DGKK: variants seen among roughly 807,000 people sequenced by gnomAD.
DGKK encodes the protein 142 kDa diacylglycerol kinase.
DGKK carries 35 observed loss-of-function variants against 92.2 expected under a neutral mutation model. The ratio of observed to expected loss-of-function variants is 0.38; its 90% CI spans 0.29 to 0.50. DGKK has a LOEUF of 0.50. DGKK is among the 20% of genes least tolerant of loss of function. DGKK has a pLI of 0.92. For missense variants in DGKK, 910 were observed against 992.2 expected (o/e 0.92, Z 1.11); for synonymous variants, 368 against 360.6 (o/e 1.02, Z -0.23).
At chrX:50,389,503 A>T (rs1431315507) in intron 12 of DGKK, among the ~76,000 whole-genome samples, 2 of 112,204 alleles carry the variant, frequency 1.8e-5, no homozygotes, top group Non-Finnish European at 3.8e-5. Context: ...ATGACTGGAT[A>T]TGTGATAAAG....
intron 4 of DGKK, among the ~76,000 whole-genome samples, chrX:50,410,353 T>C (rs1557227778): frequency 8.9e-6 from 1 of 111,953 alleles, no homozygotes; most frequent in African/African-American, 3.3e-5. Flanking sequence ...GCCAAGAACA[T>C]GTTACTGGAC....
At chrX:50,406,007 G>A (rs1251839511) in intron 4 of DGKK, among the ~76,000 whole-genome samples, 3 of 111,440 alleles carry the variant, frequency 2.7e-5, no homozygotes, top group African/African-American at 9.8e-5. Context: ...CATCTACCAT[G>A]GTAGGCACTG....
chrX:50,378,613 G>A lies in DGKK; in HGVS notation c.2941C>T (p.Arg981Cys). 5 of 1,209,332 alleles carry A rather than the reference G, an allele frequency of 4.1e-6. No homozygotes were observed. Among genetic ancestry groups the A allele is most frequent in the South Asian group, 1.8e-5 (1 of 56,274 alleles). ...IFGSVQMAMSRIINLHHHRIA... is the reference protein window; with the variant it reads ...IFGSVQMAMSCIINLHHHRIA... ...CGATGATGATGCAGGTTGATGATAC[G>A]GGACATTGCCATCTGCACAGAACCA... The change falls in exon 21 of 28, where the codon CGT becomes TGT. Residue 981 changes from arginine (R) to cysteine (C), a missense_variant. Coordinates refer to ENST00000611977, the MANE Select transcript of DGKK (RefSeq NM_001013742.4).
intron 4 of DGKK, among the ~76,000 whole-genome samples, chrX:50,404,686 CGTGAGCCACT>C (rs1433765966): frequency 9.0e-6 from 1 of 110,511 alleles, no homozygotes; most frequent in Non-Finnish European, 1.9e-5. Flanking sequence ...GGATTACAAG[CGTGAGCCACT>C]GTGCCCGGCC....
intron 8 of DGKK, among the ~76,000 whole-genome samples, chrX:50,396,154 T>C (rs1170892470): frequency 9.0e-6 from 1 of 111,696 alleles, no homozygotes; most frequent in East Asian, 2.8e-4. Context: ...AGGAAGCAAT[T>C]TGTTGATAAG....
intron 3 of DGKK, 38 bp downstream of exon 3, chrX:50,422,408 C>A (rs1557229230): frequency 1.8e-6 from 2 of 1,097,491 alleles, no homozygotes; most frequent in Non-Finnish European, 1.2e-6. Context: ...CAGCTAGCCC[C>A]TACCCCTGCC....
chrX:50,443,886 G>A (rs1247271484), intron 1 of DGKK, among the ~76,000 whole-genome samples: 1 of 110,225 alleles, frequency 9.1e-6, no homozygotes, highest in Non-Finnish European at 1.9e-5. Flanking sequence ...CTAATCCCTG[G>A]CAACCACAAA....
At chrX:50,390,963 T>G (rs1380964386) in intron 11 of DGKK, among the ~76,000 whole-genome samples, 2 of 112,020 alleles carry the variant, frequency 1.8e-5, no homozygotes, top group Non-Finnish European at 3.8e-5. Context: ...GAAAATCTGA[T>G]GAAATTATAG....
At chrX:50,386,708 AG>A in intron 14 of DGKK, 122 bp from the exon 15 acceptor site, 5 of 551,776 alleles carry the variant, frequency 9.1e-6, no homozygotes, top group Non-Finnish European at 1.4e-5. Flanking sequence ...ATAAATGCTG[AG>A]CATAGAAAAC....
chrX:50,470,401 G>A lies in DGKK; in HGVS notation c.278C>T (p.Pro93Leu), dbSNP rs1331745063. The change falls in exon 1 of 28, where the codon CCG becomes CTG. Residue 93 changes from proline to leucine, a missense_variant. By Grantham distance (98) the Pro-to-Leu change is moderately conservative. Coordinates refer to ENST00000611977, the MANE Select transcript of DGKK (RefSeq NM_001013742.4). ...PEPATEPASE[P>L]APEPATEPAP... ...CGGCTCTGTGGCAGGTTCTGGGGCCGGTTCTGAGGCCGGCTCTGTGGCTGG... is the reference window on the plus strand; with the variant it reads ...CGGCTCTGTGGCAGGTTCTGGGGCCAGTTCTGAGGCCGGCTCTGTGGCTGG... The A allele has an allele frequency of 1.7e-6, 2 of 1,208,179 alleles. No homozygotes were observed. Among genetic ancestry groups the A allele is most frequent in the Non-Finnish European group, 2.2e-6 (2 of 892,058 alleles).
At chrX:50,390,523 T>G in intron 11 of DGKK, 114 bp from the exon 12 acceptor site, 1 of 606,500 alleles carries the variant, frequency 1.6e-6, no homozygotes, top group Non-Finnish European at 2.6e-6. Flanking sequence ...GGGAGGTGGG[T>G]TGTAGGGGGT....
rs182180811 is a variant in DGKK, at chrX:50,429,238, T to A, written c.646-4880A>T. Among the ~76,000 whole-genome samples the A allele has an allele frequency of 1.6e-3, 183 of 111,427 alleles. 1 individual carries two copies. Among genetic ancestry groups the A allele is most frequent in the Non-Finnish European group, 2.5e-3 (133 of 53,039 alleles). ...CCTTACTTTGTCCAAGTACCCACAG[T>A]TACAAAATGCTAGTGGACTCTGTGC... is the stretch of plus-strand genomic sequence containing the variant. On this transcript the variant is annotated intron_variant, in intron 1 of 27. Coordinates refer to ENST00000611977, the MANE Select transcript of DGKK (RefSeq NM_001013742.4).
intron 4 of DGKK, 135 bp downstream of exon 4, chrX:50,420,268 G>GT (rs1222013488): frequency 5.6e-6 from 3 of 535,212 alleles, no homozygotes; most frequent in African/African-American, 4.7e-5. Context: ...TTCTAAAGAG[G>GT]TTTTCTGTCT....
intron 11 of DGKK, among the ~76,000 whole-genome samples, chrX:50,390,709 T>C (rs1557225437): frequency 9.0e-6 from 1 of 111,658 alleles, no homozygotes; most frequent in Non-Finnish European, 1.9e-5. Flanking sequence ...TTTTGTACAA[T>C]ACACATTCCA....
chrX:50,378,754 G>C (rs782698044), intron 20 of DGKK, 63 bp from the exon 21 acceptor site: 1 of 904,392 alleles, frequency 1.1e-6, no homozygotes, highest in African/African-American at 2.0e-5. Context: ...TCTATAACAA[G>C]AAGGCATGTT....
At chrX:50,442,275 A>G (rs1393111138) in intron 1 of DGKK, among the ~76,000 whole-genome samples, 1 of 111,990 alleles carries the variant, frequency 8.9e-6, no homozygotes, top group Non-Finnish European at 1.9e-5. Flanking sequence ...AACTATATTT[A>G]AATGAAAGCA....
Position 50,437,995 on chromosome X carries a change from G to A in DGKK, c.646-13637C>T, listed in dbSNP as rs1426836507. Among the ~76,000 whole-genome samples, 4 of 110,702 alleles carry A rather than the reference G, an allele frequency of 3.6e-5. No homozygotes were observed. In the Admixed American group the frequency reaches 3.9e-4, roughly 11 times the overall value. ...TCAGCTGCAATCTGGGGGACAGCCA[G>A]TCTTGAATCACACACACACAAAAAA... On this transcript the variant is annotated intron_variant, in intron 1 of 27. Coordinates refer to ENST00000611977, the MANE Select transcript of DGKK (RefSeq NM_001013742.4).
At chrX:50,459,608 A>T (rs1557233157) in intron 1 of DGKK, among the ~76,000 whole-genome samples, 1 of 111,100 alleles carries the variant, frequency 9.0e-6, no homozygotes, top group African/African-American at 3.3e-5. Flanking sequence ...ATCCAAAAAA[A>T]CAAACAAAAA....
chrX:50,465,493 G>C (rs1300673485), intron 1 of DGKK, among the ~76,000 whole-genome samples: 1 of 108,805 alleles, frequency 9.2e-6, no homozygotes, highest in African/African-American at 3.4e-5. Flanking sequence ...CAGTGGGTGG[G>C]CTTTGGAAAG....
Sources: gnomAD v4.1 joint callset for allele counts (sites outside exome capture counted in the v4.1 genomes callset) on GRCh38, gnomAD v4.1.1 for gene constraint, MANE v1.5 for transcripts, NCBI Gene and HGNC (gene_info 2026-07-23, HGNC 2026-07-21) for gene names.